Variants in TRMT1 observed in about 807,000 individuals in gnomAD.
TRMT1 encodes tRNA (guanine(26)-N(2))-dimethyltransferase.
In TRMT1, 63 loss-of-function variants were observed where a neutral mutation model predicts 75.4. That is an observed-to-expected ratio of 0.84 (90% CI 0.68 to 1.03). The LOEUF is 1.03. Ranked by LOEUF, TRMT1 falls within the 50% of genes least tolerant of loss-of-function variation. The pLI, the probability that TRMT1 is intolerant of heterozygous loss-of-function variation, is 0.00. For synonymous variants in TRMT1, 382 were observed against 358.1 expected (o/e 1.07, Z -0.75); for missense variants, 870 against 905.3 (o/e 0.96, Z 0.50).
At position 13,116,062 on chromosome 19, in the gene TRMT1, G is replaced by C. The variant is rs1256017450; in HGVS notation, c.255-10C>G. On this transcript the variant is annotated splice_polypyrimidine_tract_variant and intron_variant, in intron 2 of 16. Coordinates refer to ENST00000357720, the MANE Select transcript of TRMT1 (RefSeq NM_001136035.4). ...GGTGATCACAGCACATCTGGTGGGA[G>C]ACAGAGGACTAGCTCATACCCCGCC... 6.2e-7 allele frequency: 1 copy of C among 1,614,046 alleles called. No individual in the cohort carries two copies. The highest frequency in any genetic ancestry group is 1.1e-5 in the South Asian group (1 of 91,080).
rs770498874 is a variant in TRMT1 at position 13,116,380 on chromosome 19, C to T, written c.20G>A (p.Trp7Ter). ...GGCGGAGCGGAAAGTGAGGCTTAGC[C>T]ACAGAGACGATCCTTGCATGAGACA... MQGSSL[W>*]LSLTFRSARV... Residue 7 changes from tryptophan to a stop codon, truncating the protein, a stop_gained, in exon 2 of 17, where the codon TGG (tryptophan) becomes TAG (stop). Transcript: ENST00000357720. LOFTEE classifies it high-confidence loss of function. The T allele has an allele frequency of 3.1e-6, 5 of 1,607,256 alleles. No homozygotes were observed. The South Asian group carries it at 5.5e-5, about 18-fold the overall frequency.
chr19:13,105,425 C>T (rs1283281567), intron 15 of TRMT1, 29 bp from the exon 16 acceptor site: 1 of 1,613,584 alleles, frequency 6.2e-7, no homozygotes, highest in African/African-American at 1.3e-5. Context: ...AGGTGGGACC[C>T]CATCTGCCCT....
In TRMT1 at chr19:13,115,725, G is replaced by A; in HGVS notation, c.354C>T (p.Asp118=). 6.2e-7 allele frequency: 1 copy of A among 1,614,038 alleles called. No homozygotes were observed. Among genetic ancestry groups the A allele is most frequent in the Non-Finnish European group, 8.5e-7 (1 of 1,180,022 alleles). ...CCTTTTCCTCCTCTTGCTCTGACAA[G>A]TCCACGACCACTTTTTGCGTGTCCT... ...GEKDTQKVVV[D]LSEQEEEKVE... The change falls in exon 4 of 17, where the codon GAC becomes GAT. Residue 118 remains aspartate, a synonymous_variant. Coordinates refer to ENST00000357720, the MANE Select transcript of TRMT1 (RefSeq NM_001136035.4).
intron 14 of TRMT1, among the ~76,000 whole-genome samples, chr19:13,106,024 T>C (rs2018853380): frequency 6.6e-6 from 1 of 151,224 alleles, no homozygotes; most frequent in Admixed American, 6.6e-5. Flanking sequence ...ATCGCACCAC[T>C]GCACTCCAGC....
At position 13,104,960 on chromosome 19, in the gene TRMT1, G is replaced by A; in HGVS notation, c.1955C>T (p.Ala652Val). 2 of 1,613,900 alleles carry A rather than the reference G, an allele frequency of 1.2e-6. No homozygotes were observed. Among genetic ancestry groups the A allele is most frequent in the Non-Finnish European group, 1.7e-6 (2 of 1,179,934 alleles). ...TCAGTCTATGCCTGGCCCAGCGGCAGCCCCAGGTCCAGGGGGGGTCTGGTT... is the reference window on the plus strand; with the variant it reads ...TCAGTCTATGCCTGGCCCAGCGGCAACCCCAGGTCCAGGGGGGGTCTGGTT... ...TSNQTPPGPGAAAGPGID is the reference protein window; with the variant it reads ...TSNQTPPGPGVAAGPGID The change falls in exon 17 of 17, where the codon GCT becomes GTT. Residue 652 changes from alanine (A) to valine (V), a missense_variant. Ala to Val is a moderately conservative substitution (Grantham distance 64). Coordinates refer to ENST00000357720, the MANE Select transcript of TRMT1 (RefSeq NM_001136035.4).
chr19:13,112,694 G>T lies in TRMT1; in HGVS notation c.870+11C>A. The T allele has an allele frequency of 6.2e-7, 1 of 1,608,548 alleles. No individual in the cohort carries two copies. On this transcript the variant is annotated intron_variant, in intron 7 of 16. Coordinates refer to ENST00000357720, the MANE Select transcript of TRMT1 (RefSeq NM_001136035.4). The stretch of plus-strand genomic sequence containing the variant: ...CCGGTCTCCCTGGCTGGCTGGCAGA[G>T]GGCCCCTCACCATCTCGTGGCAGGC...
chr19:13,105,177 G>A, intron 16 of TRMT1, 90 bp downstream of exon 16: 1 of 1,556,726 alleles, frequency 6.4e-7, no homozygotes, highest in Non-Finnish European at 8.7e-7. Context: ...CCAAACACTT[G>A]CCTGGCCCCA....
intron 15 of TRMT1, 23 bp downstream of exon 15, chr19:13,105,464 A>C (rs760668242): frequency 6.2e-7 from 1 of 1,613,012 alleles, no homozygotes; most frequent in Admixed American, 1.7e-5. Flanking sequence ...GCTGAGCCCC[A>C]CCCCCACCTT....
Position 13,112,883 on chromosome 19 carries a change from A to T in TRMT1, c.757+13T>A. ...CAAGCCCTGCTCCCACCCCAGTGCC[A>T]TCCCCACCTCACCTCCTTCACTCAC... On this transcript the variant is annotated intron_variant, in intron 6 of 16. Transcript: ENST00000357720. 6.2e-7 allele frequency: 1 copy of T among 1,612,734 alleles called. No individual in the cohort carries two copies.
intron 5 of TRMT1, 95 bp from the exon 6 acceptor site, chr19:13,113,106 C>T (rs1264825594): frequency 7.3e-6 from 6 of 822,834 alleles, no homozygotes; most frequent in South Asian, 2.6e-5. Flanking sequence ...TGGTTTGGGT[C>T]TGAACTCCGG....
chr19:13,111,311 C>T (rs2019129188), intron 7 of TRMT1, among the ~76,000 whole-genome samples: 2 of 152,122 alleles, frequency 1.3e-5, no homozygotes, highest in Non-Finnish European at 2.9e-5. Context: ...GCTAGGATTA[C>T]AGGCATGAGC....
In TRMT1 at chr19:13,115,715, G is replaced by A; in HGVS notation, c.364C>T (p.Gln122Ter). 6.2e-7 allele frequency: 1 copy of A among 1,614,042 alleles called. No individual in the cohort carries two copies. Among genetic ancestry groups the A allele is most frequent in the Non-Finnish European group, 8.5e-7 (1 of 1,180,024 alleles). ...TTCAGTTCAACCTTTTCCTCCTCTT[G>A]CTCTGACAAGTCCACGACCACTTTT... The part of the protein sequence containing the change: ...TQKVVVDLSE[Q>*]EEEKVELKES... Residue 122 changes from glutamine (Q) to a stop codon, truncating the protein, a stop_gained, in exon 4 of 17, where the codon CAA becomes TAA. Coordinates refer to ENST00000357720, the MANE Select transcript of TRMT1 (RefSeq NM_001136035.4). LOFTEE classifies it high-confidence loss of function.
rs368664727 is a variant in TRMT1, at chr19:13,107,892, C to T, written c.1398-33G>A. 22 of 1,542,644 alleles carry T rather than the reference C, an allele frequency of 1.4e-5. No homozygotes were observed. The South Asian group carries it at 1.7e-4, about 12-fold the overall frequency. ...ACAGCAGGGATTATGAGGGAGATGC[C>T]GGACTCCTTGACCCCAAAGCCCAAG... On this transcript the variant is annotated intron_variant, in intron 12 of 16. Coordinates refer to ENST00000357720, the MANE Select transcript of TRMT1 (RefSeq NM_001136035.4).
At chr19:13,116,610 C>T in intron 1 of TRMT1, 43 bp downstream of exon 1, 1 of 681,308 alleles carries the variant, frequency 1.5e-6, no homozygotes, top group Non-Finnish European at 2.4e-6. Context: ...GCAGGCCCGC[C>T]CCGAGTCCGA....
chr19:13,109,289 C>T (rs1287656384), intron 12 of TRMT1, 92 bp downstream of exon 12: 1 of 1,443,362 alleles, frequency 6.9e-7, no homozygotes, highest in Non-Finnish European at 9.6e-7. Flanking sequence ...TCTCCCCACC[C>T]CCTCGCAAGT....
intron 14 of TRMT1, among the ~76,000 whole-genome samples, chr19:13,106,540 C>G (rs1476072988): frequency 6.6e-6 from 1 of 152,050 alleles, no homozygotes; most frequent in African/African-American, 2.4e-5. Flanking sequence ...TGCAGTGGTG[C>G]GATCTCGGCT....
At chr19:13,111,550 ATTT>A (rs35140536) in intron 7 of TRMT1, among the ~76,000 whole-genome samples, 6 of 124,546 alleles carry the variant, frequency 4.8e-5, no homozygotes, top group African/African-American at 9.2e-5. Flanking sequence ...CGCCCAGCTA[ATTT>A]TTTTTTTTTT....
chr19:13,113,044 C>A (rs974340502), intron 5 of TRMT1, 33 bp from the exon 6 acceptor site: 2 of 1,552,786 alleles, frequency 1.3e-6, no homozygotes, highest in African/African-American at 2.7e-5. Flanking sequence ...CCTCAGCCTC[C>A]CACGCCAGGT....
intron 7 of TRMT1, among the ~76,000 whole-genome samples, chr19:13,111,383 T>A (rs933842498): frequency 1.6e-5 from 2 of 124,040 alleles, no homozygotes; most frequent in Non-Finnish European, 3.4e-5. Context: ...GGTCAGACCA[T>A]TTTTTTTTTT....
Sources: gnomAD v4.1 joint callset for allele counts (sites outside exome capture counted in the v4.1 genomes callset) on GRCh38, gnomAD v4.1.1 for gene constraint, MANE v1.5 for transcripts, NCBI Gene and HGNC (gene_info 2026-07-23, HGNC 2026-07-21) for gene names.